IFT43: variants seen among roughly 807,000 people sequenced by gnomAD.
IFT43 encodes intraflagellar transport 43, also known as intraflagellar transport protein 43 homolog.
In IFT43, 33 loss-of-function variants were observed where a neutral mutation model predicts 32.3. The ratio of observed to expected loss-of-function variants is 1.02; its 90% CI spans 0.77 to 1.37. IFT43 has a LOEUF of 1.37. Ranked by LOEUF, IFT43 falls within the 40% of genes most tolerant of loss-of-function variation. The pLI, the probability that IFT43 is intolerant of heterozygous loss-of-function variation, is 0.00. For synonymous variants in IFT43, 93 were observed against 98.2 expected, an observed-to-expected ratio of 0.95 and a Z score of 0.31; for missense variants, 274 against 265.9, an observed-to-expected ratio of 1.03 and a Z score of -0.21.
intron 3 of IFT43, among the ~76,000 whole-genome samples, chr14:76,040,862 A>G (rs1025182484): frequency 6.6e-5 from 10 of 152,212 alleles, no homozygotes; most frequent in Non-Finnish European, 5.9e-5. Flanking sequence ...GCTGGAGAAC[A>G]GGTGGGGACT....
At chr14:76,041,316 T>C (rs192750196) in intron 3 of IFT43, among the ~76,000 whole-genome samples, 14 of 152,282 alleles carry the variant, frequency 9.2e-5, no homozygotes, top group Admixed American at 9.2e-4. Flanking sequence ...AGGAAAGAAA[T>C]GAGTGGCCCA....
intron 2 of IFT43, among the ~76,000 whole-genome samples, chr14:76,000,304 G>A (rs1351115933): frequency 9.0e-6 from 1 of 110,688 alleles, no homozygotes; most frequent in African/African-American, 3.5e-5. Flanking sequence ...TTGCTCTGTT[G>A]CCCAAGCTGG....
At chr14:75,990,097 A>G (rs948272927) in intron 2 of IFT43, among the ~76,000 whole-genome samples, 3 of 152,220 alleles carry the variant, frequency 2.0e-5, no homozygotes, top group Non-Finnish European at 4.4e-5. Flanking sequence ...GGAAGAAACT[A>G]GGGGAGTGAG....
intron 2 of IFT43, among the ~76,000 whole-genome samples, chr14:75,999,260 TATATATATATATGTA>T (rs2035825020): frequency 1.5e-4 from 3 of 19,764 alleles, no homozygotes; most frequent in African/African-American, 8.5e-4. Context: ...TATATATATA[TATATATATATATGTA>T]TATATATTTT....
intron 3 of IFT43, among the ~76,000 whole-genome samples, chr14:76,033,640 G>A (rs1164107217): frequency 6.6e-6 from 1 of 152,124 alleles, no homozygotes. Flanking sequence ...CTGATGAGGG[G>A]TAAGAGAGGC....
chr14:76,060,248 C>T (rs187334883), intron 5 of IFT43, among the ~76,000 whole-genome samples: 55 of 152,206 alleles, frequency 3.6e-4, no homozygotes, highest in African/African-American at 1.3e-3. Context: ...GGCAGAGTCT[C>T]GCTGTGTCAC....
rs112532738 is a variant in IFT43 at position 75,995,189 on chromosome 14, A to G, written c.147+6212A>G. Among the ~76,000 whole-genome samples the G allele has an allele frequency of 4.3e-3, 660 of 152,304 alleles. 2 individuals carry two copies. The highest frequency in any genetic ancestry group is 0.015 in the African/African-American group (617 of 41,554). On this transcript the variant is annotated intron_variant, in intron 2 of 8. Transcript: ENST00000314067. ...ACTTTAAGAGTCTGGGTAACTTGTCAGAAGCATTCAGCTAATCTGTGACTC... is the reference window on the plus strand; with the variant it reads ...ACTTTAAGAGTCTGGGTAACTTGTCGGAAGCATTCAGCTAATCTGTGACTC...
rs1034502657 is a variant in IFT43 at position 76,058,655 on chromosome 14, G to A, written c.229G>A (p.Ala77Thr). ...TTTTTTTTTCAGGTTTAGGAGGAAG[G>A]CTTCTGAAGAAATAGAAGAGTACGT... Reference protein sequence around the residue: ...SVKASKFRRKASEEIEDFRLR... With the variant: ...SVKASKFRRKTSEEIEDFRLR... Residue 77 changes from alanine (A) to threonine (T), a missense_variant, in exon 4 of 9, where the codon GCT becomes ACT. Coordinates refer to ENST00000314067, the MANE Select transcript of IFT43 (RefSeq NM_001102564.3). 2.5e-6 allele frequency: 4 copies of A among 1,612,496 alleles called. No homozygotes were observed. Among genetic ancestry groups the A allele is most frequent in the East Asian group, 4.5e-5 (2 of 44,864 alleles).
chr14:76,023,443 T>C (rs1462029636), intron 3 of IFT43, among the ~76,000 whole-genome samples: 1 of 152,248 alleles, frequency 6.6e-6, no homozygotes. Flanking sequence ...AGTAATTTAA[T>C]ATCTCTGGTC....
At position 76,022,357 on chromosome 14, in the gene IFT43, C is replaced by A. The variant is rs2036307837; in HGVS notation, c.178C>A (p.Gln60Lys). 1 of 1,613,522 alleles carries A rather than the reference C, an allele frequency of 6.2e-7. No individual in the cohort carries two copies. The highest frequency in any genetic ancestry group is 1.3e-5 in the African/African-American group (1 of 75,008). ...TSSAKLPRCRQGGWAGDSVKA... is the reference protein window; with the variant it reads ...TSSAKLPRCRKGGWAGDSVKA... ...CTCTGCTAAATTACCTCGCTGCCGA[C>A]AGGGAGGCTGGGCAGGTGATTCCGT... The change falls in exon 3 of 9, where the codon CAG (glutamine) becomes AAG (lysine). Residue 60 changes from glutamine (Q) to lysine (K), a missense_variant. Gln to Lys is a moderately conservative substitution (Grantham distance 53). Transcript: ENST00000314067.
In IFT43 at chr14:76,045,014, C is replaced by T. The variant is rs557934088; in HGVS notation, c.216-13628C>T. ...TGTTACTAGTGAGGTTTCCAGTCAACGGTAGGCTGTATGTGGTTAAGTTAA... is the reference window on the plus strand; with the variant it reads ...TGTTACTAGTGAGGTTTCCAGTCAATGGTAGGCTGTATGTGGTTAAGTTAA... On this transcript the variant is annotated intron_variant, in intron 3 of 8. Coordinates refer to ENST00000314067, the MANE Select transcript of IFT43 (RefSeq NM_001102564.3). 1.2e-4 allele frequency among the ~76,000 whole-genome samples: 19 copies of T among 152,282 alleles called. No homozygotes were observed. The South Asian group carries it at 1.5e-3, about 12-fold the overall frequency.
chr14:76,083,788 G>A, downstream of IFT43: 1 of 693,510 alleles, frequency 1.4e-6, no homozygotes, highest in South Asian at 1.5e-5. Flanking sequence ...TGTATCACAA[G>A]TGAAGGAGAA....
rs1566699821 is a variant in IFT43 at position 75,999,281 on chromosome 14, A to ATATATTT, written c.147+10305_147+10306insATATTTT. 6.4e-4 allele frequency among the ~76,000 whole-genome samples: 25 copies of ATATATTT among 39,030 alleles called. No individual in the cohort carries two copies. In the South Asian group the frequency reaches 6.6e-3, roughly 10 times the overall value. The allele number at this position is 39,030 out of a possible 152,430, so 25.6% of individuals were successfully genotyped here. On this transcript the variant is annotated intron_variant, in intron 2 of 8. Transcript: ENST00000314067. ...TATATATATATATATATGTATATATATTTTTTTTTTTTTTTTTTTAATTTT... is the reference window on the plus strand; with the variant it reads ...TATATATATATATATATGTATATATATATATTTTTTTTTTTTTTTTTTTTTTAATTTT...
intron 3 of IFT43, among the ~76,000 whole-genome samples, chr14:76,039,331 A>T (rs2036663443): frequency 6.6e-6 from 1 of 152,032 alleles, no homozygotes. Context: ...CCACGTTTTT[A>T]AATTTTTTGT....
intron 3 of IFT43, among the ~76,000 whole-genome samples, chr14:76,045,823 C>T (rs553776757): frequency 6.6e-6 from 1 of 152,340 alleles, no homozygotes; most frequent in East Asian, 1.9e-4. Flanking sequence ...GGGTCTACCC[C>T]TCAGCCCCAG....
At chr14:76,006,537 G>A (rs951419618) in intron 2 of IFT43, among the ~76,000 whole-genome samples, 17 of 152,162 alleles carry the variant, frequency 1.1e-4, no homozygotes, top group Non-Finnish European at 2.1e-4. Flanking sequence ...AGTTTTTACT[G>A]ATAGGAGAAA....
chr14:76,065,593 T>C (rs971965971), intron 5 of IFT43, among the ~76,000 whole-genome samples: 1 of 152,006 alleles, frequency 6.6e-6, no homozygotes, highest in African/African-American at 2.4e-5. Flanking sequence ...AATGACAGCA[T>C]AAGTATTTAC....
intron 2 of IFT43, among the ~76,000 whole-genome samples, chr14:76,011,655 C>T (rs539334572): frequency 2.6e-5 from 4 of 152,174 alleles, no homozygotes; most frequent in South Asian, 2.1e-4. Context: ...CTTTCTTATA[C>T]GTAAAATAGA....
chr14:76,052,423 TCTTCCCCAGAAGTTCATG>T (rs2036932280), intron 3 of IFT43, among the ~76,000 whole-genome samples: 1 of 152,198 alleles, frequency 6.6e-6, no homozygotes, highest in Non-Finnish European at 1.5e-5. Context: ...TTTTGCGGCC[TCTTCCCCAGAAGTTCATG>T]GGGTCCCTGC....
Sources: allele counts gnomAD v4.1 joint callset (sites outside exome capture counted in the v4.1 genomes callset), GRCh38; gene constraint gnomAD v4.1.1; transcripts MANE v1.5; gene names NCBI Gene and HGNC (gene_info 2026-07-23, HGNC 2026-07-21).